Variants in COL23A1 observed in about 807,000 individuals in gnomAD.
COL23A1 encodes collagen type XXIII alpha 1 chain, also known as collagen alpha-1(XXIII) chain.
Under a neutral mutation model 99.3 loss-of-function variants are expected in COL23A1, and 97 were observed. The observed-to-expected ratio is 0.98, with a 90% CI of 0.83 to 1.16. The LOEUF is 1.16. Among genes scored for constraint, COL23A1 ranks in the 50% most tolerant of loss-of-function variants. COL23A1 has a pLI of 0.00. For missense variants in COL23A1, 762 were observed against 757.4 expected (o/e 1.01, Z -0.07); for synonymous variants, 320 against 308.2 (o/e 1.04, Z -0.40).
intron 2 of COL23A1, among the ~76,000 whole-genome samples, chr5:178,527,379 T>C (rs1760368144): frequency 6.6e-6 from 1 of 151,926 alleles, no homozygotes. Context: ...GCCTTGGCCT[T>C]TTCCATCTGT....
intron 2 of COL23A1, among the ~76,000 whole-genome samples, chr5:178,382,787 C>G (rs78576845): frequency 0.045 from 6,912 of 152,284 alleles, 473 homozygotes; most frequent in African/African-American, 0.15. Flanking sequence ...GGTTCAGAAG[C>G]GCCCTGGCTC....
intron 3 of COL23A1, among the ~76,000 whole-genome samples, chr5:178,305,644 G>A (rs1261071878): frequency 2.0e-5 from 3 of 152,202 alleles, no homozygotes; most frequent in African/African-American, 7.2e-5. Context: ...CTTGGGGTGG[G>A]AGTCCAGGTA....
intron 2 of COL23A1, among the ~76,000 whole-genome samples, chr5:178,523,201 T>TATATATATAGAGAGAGAG (rs1223542330): frequency 9.0e-5 from 7 of 77,612 alleles, no homozygotes; most frequent in Non-Finnish European, 1.8e-4. Context: ...TATATATATA[T>TATATATATAGAGAGAGAG]AGAGAGAGAG....
chr5:178,533,937 A>G (rs1760792963), intron 2 of COL23A1, among the ~76,000 whole-genome samples: 2 of 152,234 alleles, frequency 1.3e-5, no homozygotes, highest in Non-Finnish European at 2.9e-5. Context: ...AACCCCACAC[A>G]CAGACTTCCT....
intron 2 of COL23A1, among the ~76,000 whole-genome samples, chr5:178,472,575 T>TGAA (rs1756812989): frequency 9.0e-6 from 1 of 110,904 alleles, no homozygotes; most frequent in African/African-American, 3.2e-5. Flanking sequence ...TAGCAACGGC[T>TGAA]GCAGCAGCAT....
At position 178,309,417 on chromosome 5, in the gene COL23A1, T is replaced by C. The variant is rs1758544554; in HGVS notation, c.362-2498A>G. Among the ~76,000 whole-genome samples the C allele has an allele frequency of 1.3e-5, 2 of 152,056 alleles. No homozygotes were observed. Among genetic ancestry groups the C allele is most frequent in the Non-Finnish European group, 2.9e-5 (2 of 67,984 alleles). On this transcript the variant is annotated intron_variant, in intron 2 of 28. Coordinates refer to ENST00000390654, the MANE Select transcript of COL23A1 (RefSeq NM_173465.4). The surrounding 1 kb of genome is among the most constrained non-coding windows in gnomAD (Gnocchi z 4.7). ...TGAGCCGCAGGCCAGGCAGGCTGGATGTGACCCCGACTGAATAGGGCCCTC... is the reference window on the plus strand; with the variant it reads ...TGAGCCGCAGGCCAGGCAGGCTGGACGTGACCCCGACTGAATAGGGCCCTC...
At chr5:178,472,575 T>G (rs1756812708) in intron 2 of COL23A1, among the ~76,000 whole-genome samples, 4 of 110,904 alleles carry the variant, frequency 3.6e-5, no homozygotes, top group Admixed American at 8.5e-5. Flanking sequence ...TAGCAACGGC[T>G]GCAGCAGCAT....
At position 178,365,508 on chromosome 5, in the gene COL23A1, GTC is replaced by G. The variant is rs1435788738; in HGVS notation, c.362-58591_362-58590del. ...CCACCCAATCCCTCTTTCTTCTGAT[GTC>G]GACAGGATCAAGCACAAGCCTCCTT... On this transcript the variant is annotated intron_variant, in intron 2 of 28. Coordinates refer to ENST00000390654, the MANE Select transcript of COL23A1 (RefSeq NM_173465.4). This position sits in a 1 kb window ranked among gnomAD's most constrained non-coding sequence, Gnocchi z 5.2. Among the ~76,000 whole-genome samples the G allele has an allele frequency of 6.6e-6, 1 of 152,080 alleles. No homozygotes were observed. The highest frequency in any genetic ancestry group is 1.9e-4 in the East Asian group (1 of 5,174).
rs1760589187 is a variant in COL23A1 at position 178,340,446 on chromosome 5, C to T, written c.362-33527G>A. Among the ~76,000 whole-genome samples the T allele has an allele frequency of 6.6e-6, 1 of 152,194 alleles. No individual in the cohort carries two copies. Among genetic ancestry groups the T allele is most frequent in the African/African-American group, 2.4e-5 (1 of 41,444 alleles). ...AGATACTGAAGAGCCCAGCTCCACACCACGACTCCAGCTACACTCCAGCCT... is the reference window on the plus strand; with the variant it reads ...AGATACTGAAGAGCCCAGCTCCACATCACGACTCCAGCTACACTCCAGCCT... On this transcript the variant is annotated intron_variant, in intron 2 of 28. Transcript: ENST00000390654. The surrounding 1 kb of genome is among the most constrained non-coding windows in gnomAD (Gnocchi z 4.7).
At position 178,402,714 on chromosome 5, in the gene COL23A1, G is replaced by A. The variant is rs368566269; in HGVS notation, c.362-95795C>T. On this transcript the variant is annotated intron_variant, in intron 2 of 28. Coordinates refer to ENST00000390654, the MANE Select transcript of COL23A1 (RefSeq NM_173465.4). ...ACGGCCTGGGACATAGCAAAATCCT[G>A]TCTCTTAAAAAAAGAAAGAAAAAAC... Among the ~76,000 whole-genome samples the A allele has an allele frequency of 1.5e-3, 221 of 151,808 alleles. 1 individual carries two copies. The highest frequency in any genetic ancestry group is 5.0e-3 in the African/African-American group (209 of 41,390).
chr5:178,270,391 G>A, intron 5 of COL23A1, 28 bp from the exon 6 acceptor site: 1 of 1,613,410 alleles, frequency 6.2e-7, no homozygotes, highest in South Asian at 1.1e-5. Flanking sequence ...GAGAACACAG[G>A]TTACACACGG....
intron 5 of COL23A1, among the ~76,000 whole-genome samples, chr5:178,271,714 G>A (rs1016014941): frequency 6.6e-6 from 1 of 152,254 alleles, no homozygotes; most frequent in Non-Finnish European, 1.5e-5. Flanking sequence ...AAGGGAAGGC[G>A]GAGAGGTGGA....
intron 2 of COL23A1, among the ~76,000 whole-genome samples, chr5:178,359,765 C>T (rs2127700540): frequency 6.6e-6 from 1 of 152,288 alleles, no homozygotes; most frequent in Admixed American, 6.5e-5. Flanking sequence ...GGGGCCCAGG[C>T]CACTTCTTTG....
intron 2 of COL23A1, among the ~76,000 whole-genome samples, chr5:178,386,022 G>T (rs766214095): frequency 1.3e-5 from 2 of 152,188 alleles, no homozygotes; most frequent in Non-Finnish European, 2.9e-5. Flanking sequence ...AGAATTTGCA[G>T]ATCCACAGCA....
chr5:178,470,791 C>T (rs1264712225), intron 2 of COL23A1, among the ~76,000 whole-genome samples: 1 of 48,706 alleles, frequency 2.1e-5, no homozygotes, highest in African/African-American at 4.9e-5. Context: ...TACCTCCTGT[C>T]TCAAGGAGCC....
chr5:178,517,753 G>A (rs1759621827), intron 2 of COL23A1, among the ~76,000 whole-genome samples: 2 of 151,260 alleles, frequency 1.3e-5, no homozygotes, highest in South Asian at 2.1e-4. Context: ...GTAGAGACGG[G>A]GTTTCACCAT....
intron 2 of COL23A1, among the ~76,000 whole-genome samples, chr5:178,437,662 G>A (rs886738355): frequency 1.3e-5 from 2 of 152,190 alleles, no homozygotes; most frequent in African/African-American, 4.8e-5. Flanking sequence ...GGTACCCACT[G>A]TCCCACCTGG....
At chr5:178,393,697 G>T in intron 2 of COL23A1, among the ~76,000 whole-genome samples, 1 of 147,448 alleles carries the variant, frequency 6.8e-6, no homozygotes, top group East Asian at 2.0e-4. Context: ...TCACCCAGGC[G>T]CAATCTCTGC....
In COL23A1 at chr5:178,307,164, T is replaced by G. The variant is rs1758404494; in HGVS notation, c.362-245A>C. Among the ~76,000 whole-genome samples, 1 of 152,112 alleles carries G rather than the reference T, an allele frequency of 6.6e-6. No individual in the cohort carries two copies. Among genetic ancestry groups the G allele is most frequent in the African/African-American group, 2.4e-5 (1 of 41,414 alleles). On this transcript the variant is annotated intron_variant, in intron 2 of 28. Transcript: ENST00000390654. The surrounding 1 kb of genome is among the most constrained non-coding windows in gnomAD (Gnocchi z 4.2). ...GCATCCCTCATGCCCCACGCACCCA[T>G]TCTGTCATTCAATCATCGGCTCACT...
Sources: allele counts gnomAD v4.1 joint callset (sites outside exome capture counted in the v4.1 genomes callset), GRCh38; gene constraint gnomAD v4.1.1; non-coding constraint Gnocchi (gnomAD v3.1); transcripts MANE v1.5; gene names NCBI Gene and HGNC (gene_info 2026-07-23, HGNC 2026-07-21).